FERMT3: variants seen among roughly 807,000 people sequenced by gnomAD.
The protein encoded by FERMT3 is fermitin family homolog 3.
A neutral mutation model predicts 80.8 loss-of-function variants in FERMT3; 33 were observed. That is an observed-to-expected ratio of 0.41 (90% CI 0.31 to 0.55). The LOEUF is 0.55. Ranked by LOEUF, FERMT3 falls within the 20% of genes least tolerant of loss-of-function variation. The pLI is 0.31. For missense variants in FERMT3, 754 were observed against 908.7 expected, an observed-to-expected ratio of 0.83 and a Z score of 2.19; for synonymous variants, 375 against 372.2, an observed-to-expected ratio of 1.01 and a Z score of -0.09.
chr11:64,223,782 G>A lies in FERMT3; in HGVS notation c.*290G>A, dbSNP rs1363738429. On this transcript the variant is annotated 3_prime_UTR_variant, in exon 15 of 15. Transcript: ENST00000345728. The stretch of plus-strand genomic sequence containing the variant: ...CTATCTGCAGTCCCCCAGCACACAA[G>A]GAAGACCAGATGTAGCTACAGGATG... 2 of 963,732 alleles carry A rather than the reference G, an allele frequency of 2.1e-6. No homozygotes were observed. The highest frequency in any genetic ancestry group is 3.1e-6 in the Non-Finnish European group (2 of 645,702). The allele number at this position is 963,732 out of a possible 1,614,324, so 59.7% of individuals were successfully genotyped here.
chr11:64,223,790 A>C lies in FERMT3; in HGVS notation c.*298A>C. On this transcript the variant is annotated 3_prime_UTR_variant, in exon 15 of 15. Coordinates refer to ENST00000345728, the MANE Select transcript of FERMT3 (RefSeq NM_031471.6). ...AGTCCCCCAGCACACAAGGAAGACC[A>C]GATGTAGCTACAGGATGATGAAACA... The C allele has an allele frequency of 1.0e-6, 1 of 975,944 alleles. No individual in the cohort carries two copies. The allele number at this position is 975,944 out of a possible 1,614,324, so 60.5% of individuals were successfully genotyped here.
At position 64,223,417 on chromosome 11, in the gene FERMT3, G is replaced by C; in HGVS notation, c.1917G>C (p.Thr639=). 1 of 1,613,546 alleles carries C rather than the reference G, an allele frequency of 6.2e-7. No individual in the cohort carries two copies. The part of the protein sequence containing the change: ...EYIGGYIFLS[T]RERARGEELD... ...TCGGGGGCTACATTTTCCTGTCGACGCGGGAGCGGGCCCGTGGGGAGGAGC... is the reference window on the plus strand; with the variant it reads ...TCGGGGGCTACATTTTCCTGTCGACCCGGGAGCGGGCCCGTGGGGAGGAGC... The change falls in exon 15 of 15, where the codon ACG becomes ACC. Residue 639 remains threonine, a synonymous_variant. Coordinates refer to ENST00000345728, the MANE Select transcript of FERMT3 (RefSeq NM_031471.6).
chr11:64,214,027 T>G (rs927815026), intron 6 of FERMT3, among the ~76,000 whole-genome samples: 1 of 152,196 alleles, frequency 6.6e-6, no homozygotes, highest in Non-Finnish European at 1.5e-5. Flanking sequence ...TCTAAGTGAG[T>G]AGTGTCTGTA....
intron 6 of FERMT3, among the ~76,000 whole-genome samples, chr11:64,216,908 A>G (rs1447308268): frequency 6.7e-6 from 1 of 149,814 alleles, no homozygotes; most frequent in Non-Finnish European, 1.5e-5. Flanking sequence ...CCTGGCCTTT[A>G]TTTCCTCCAA....
intron 2 of FERMT3, 187 bp downstream of exon 2, chr11:64,207,711 C>T (rs748355995): frequency 3.1e-6 from 2 of 650,296 alleles, no homozygotes. Flanking sequence ...CCACCCTCTT[C>T]CCTCCCTCCC....
rs1268903143 is a variant in FERMT3 at position 64,219,152 on chromosome 11, A to AG, written c.787-96dup. On this transcript the variant is annotated intron_variant, in intron 6 of 14. Coordinates refer to ENST00000345728, the MANE Select transcript of FERMT3 (RefSeq NM_031471.6). The surrounding 1 kb of genome is among the most constrained non-coding windows in gnomAD (Gnocchi z 4.0). ...ATGAATCTGCCTCAGCAAGGAGGGC[A>AG]GGGCAGAGGGCCAAGGCTGGCAGGG... is the stretch of plus-strand genomic sequence containing the variant. 3.5e-6 allele frequency: 4 copies of AG among 1,129,454 alleles called. No homozygotes were observed. Among genetic ancestry groups the AG allele is most frequent in the Non-Finnish European group, 5.2e-6 (4 of 772,712 alleles). 70.0% of individuals were successfully genotyped at this position (1,129,454 alleles called of 1,614,324 possible).
chr11:64,211,768 A>G lies in FERMT3; in HGVS notation c.786+21A>G. ...CCAAGGTGGGTCGGGGCAGGGAGAA[A>G]GCGGGCCTCAGGTCCATGAGATGTG... On this transcript the variant is annotated intron_variant, in intron 6 of 14. Transcript: ENST00000345728. This position sits in a 1 kb window ranked among gnomAD's most constrained non-coding sequence, Gnocchi z 4.7. The G allele has an allele frequency of 6.2e-7, 1 of 1,611,808 alleles. No homozygotes were observed. Among genetic ancestry groups the G allele is most frequent in the Non-Finnish European group, 8.5e-7 (1 of 1,178,014 alleles).
chr11:64,213,894 C>T (rs1946495747), intron 6 of FERMT3, among the ~76,000 whole-genome samples: 1 of 152,090 alleles, frequency 6.6e-6, no homozygotes, highest in Non-Finnish European at 1.5e-5. Flanking sequence ...GTTTTCTTCT[C>T]TATGACATAT....
In FERMT3 at chr11:64,223,747, T is replaced by G. The variant is rs1234888754; in HGVS notation, c.*255T>G. 27 of 780,282 alleles carry G rather than the reference T, an allele frequency of 3.5e-5. No homozygotes were observed. The highest frequency in any genetic ancestry group is 5.1e-5 in the Non-Finnish European group (25 of 489,924). The allele number at this position is 780,282 out of a possible 1,614,324, so 48.3% of individuals were successfully genotyped here. On this transcript the variant is annotated 3_prime_UTR_variant, in exon 15 of 15. Transcript: ENST00000345728. ...TCCTTGTCTGAGTGGCTGAGGCTGA[T>G]ACCCCTGACCTATCTGCAGTCCCCC...
In FERMT3 at chr11:64,211,279, G is replaced by A. The variant is rs575553307; in HGVS notation, c.519G>A (p.Val173=). 1.2e-6 allele frequency: 2 copies of A among 1,613,326 alleles called. No individual in the cohort carries two copies. Among genetic ancestry groups the A allele is most frequent in the East Asian group, 2.2e-5 (1 of 44,856 alleles). ...DLSKVVLAGG[V]APALFRGMPA... Reference sequence around the variant, plus strand: ...GACTCCCAACCTGCACTCCAGGCGTGGCACCTGCACTGTTCCGGGGGATGC... The same window carrying A: ...GACTCCCAACCTGCACTCCAGGCGTAGCACCTGCACTGTTCCGGGGGATGC... The change falls in exon 5 of 15, where the codon GTG becomes GTA. Residue 173 remains valine, a synonymous_variant. Coordinates refer to ENST00000345728, the MANE Select transcript of FERMT3 (RefSeq NM_031471.6). The surrounding 1 kb of genome is among the most constrained non-coding windows in gnomAD (Gnocchi z 4.7).
chr11:64,207,789 CAGA>C, intron 2 of FERMT3: 1 of 452,712 alleles, frequency 2.2e-6, no homozygotes, highest in Non-Finnish European at 4.0e-6. Flanking sequence ...CCAATAGGGG[CAGA>C]AGGAGTGGTC....
chr11:64,211,780 G>A lies in FERMT3; in HGVS notation c.786+33G>A, dbSNP rs374679286. On this transcript the variant is annotated intron_variant, in intron 6 of 14. Transcript: ENST00000345728. The surrounding 1 kb of genome is among the most constrained non-coding windows in gnomAD (Gnocchi z 4.7). ...GGGGCAGGGAGAAAGCGGGCCTCAGGTCCATGAGATGTGGAGACCTAGGGC... is the reference window on the plus strand; with the variant it reads ...GGGGCAGGGAGAAAGCGGGCCTCAGATCCATGAGATGTGGAGACCTAGGGC... The A allele has an allele frequency of 6.2e-7, 1 of 1,605,864 alleles. No individual in the cohort carries two copies. Among genetic ancestry groups the A allele is most frequent in the Admixed American group, 1.7e-5 (1 of 59,988 alleles).
At chr11:64,221,175 G>A (rs770746681) in intron 13 of FERMT3, 35 bp downstream of exon 13, 15 of 1,595,204 alleles carry the variant, frequency 9.4e-6, no homozygotes, top group African/African-American at 8.0e-5. Context: ...GCCCAGCACC[G>A]TCTCTGCCCT....
chr11:64,221,284 C>T (rs2134889263), intron 13 of FERMT3, 144 bp downstream of exon 13: 2 of 784,802 alleles, frequency 2.5e-6, no homozygotes, highest in South Asian at 3.3e-5. Flanking sequence ...GCAGGCCTTA[C>T]TGAGGGCCCC....
chr11:64,211,547 C>T lies in FERMT3; in HGVS notation c.684-98C>T. On this transcript the variant is annotated intron_variant, in intron 5 of 14. Coordinates refer to ENST00000345728, the MANE Select transcript of FERMT3 (RefSeq NM_031471.6). This position sits in a 1 kb window ranked among gnomAD's most constrained non-coding sequence, Gnocchi z 4.7. ...CCAGATCCACACTTCGTTTCCAGGCCTTTTCTCTGTGTGTGCTTGTCCCCC... is the reference window on the plus strand; with the variant it reads ...CCAGATCCACACTTCGTTTCCAGGCTTTTTCTCTGTGTGTGCTTGTCCCCC... The T allele has an allele frequency of 6.6e-7, 1 of 1,515,552 alleles. No homozygotes were observed. The highest frequency in any genetic ancestry group is 8.9e-7 in the Non-Finnish European group (1 of 1,122,446). The allele number at this position is 1,515,552 out of a possible 1,614,324, so 93.9% of individuals were successfully genotyped here.
intron 2 of FERMT3, chr11:64,207,842 AG>A (rs1284408784): frequency 3.7e-6 from 1 of 270,998 alleles, no homozygotes; most frequent in Non-Finnish European, 7.1e-6. Flanking sequence ...CTGAGGTCTG[AG>A]GGGGTCTAGG....
At position 64,210,240 on chromosome 11, in the gene FERMT3, C is replaced by G. The variant is rs1163027048; in HGVS notation, c.161-371C>G. On this transcript the variant is annotated intron_variant, in intron 2 of 14. Transcript: ENST00000345728. The surrounding 1 kb of genome is among the most constrained non-coding windows in gnomAD (Gnocchi z 4.3). ...CGTAGTCTCTGCCTCCAGGAGCTCC[C>G]CAGAATGCAAGACAGAGGCTGTTAA... 6.6e-6 allele frequency among the ~76,000 whole-genome samples: 1 copy of G among 152,154 alleles called. No homozygotes were observed. Among genetic ancestry groups the G allele is most frequent in the Non-Finnish European group, 1.5e-5 (1 of 68,018 alleles).
At chr11:64,207,840 T>C (rs760459387) in intron 2 of FERMT3, 1 of 281,648 alleles carries the variant, frequency 3.6e-6, no homozygotes, top group Non-Finnish European at 6.8e-6. Flanking sequence ...TGCTGAGGTC[T>C]GAGGGGGTCT....
At chr11:64,222,563 C>CAAAA (rs34119299) in intron 13 of FERMT3, among the ~76,000 whole-genome samples, 11 of 83,428 alleles carry the variant, frequency 1.3e-4, no homozygotes, top group African/African-American at 5.1e-4. Context: ...CACTCCGTCT[C>CAAAA]AAAAAAAAAA....
Sources: gnomAD v4.1 joint callset for allele counts (sites outside exome capture counted in the v4.1 genomes callset) on GRCh38, gnomAD v4.1.1 for gene constraint, Gnocchi (gnomAD v3.1) non-coding constraint, MANE v1.5 for transcripts, NCBI Gene and HGNC (gene_info 2026-07-23, HGNC 2026-07-21) for gene names.